The following FGD6 variants were observed in gnomAD, a reference collection of about 807,000 sequenced individuals.
The protein encoded by FGD6 is FYVE, RhoGEF and PH domain containing 6, also known as FYVE, RhoGEF and PH domain-containing protein 6.
A neutral mutation model predicts 149.4 loss-of-function variants in FGD6; 90 were observed. The observed-to-expected ratio is 0.60, with a 90% CI of 0.51 to 0.72. The LOEUF is 0.72. Among genes scored for constraint, FGD6 ranks in the 30% least tolerant of loss-of-function variants. FGD6 has a pLI of 0.00. For synonymous variants in FGD6, 527 were observed against 584.0 expected (o/e 0.90, Z 1.41); for missense variants, 1,437 against 1,684.8 (o/e 0.85, Z 2.57).
chr12:95,117,779 C>T (rs907602104), intron 8 of FGD6, among the ~76,000 whole-genome samples: 1 of 152,084 alleles, frequency 6.6e-6, no homozygotes, highest in Non-Finnish European at 1.5e-5. Flanking sequence ...CGCAGTGGCT[C>T]ATGCCTGTAA....
At chr12:95,175,799 CAAAAA>C (rs61051041) in intron 2 of FGD6, among the ~76,000 whole-genome samples, 2 of 38,912 alleles carry the variant, frequency 5.1e-5, no homozygotes, top group African/African-American at 1.0e-4. Flanking sequence ...GACTCTGTCT[CAAAAA>C]AAAAAAAAAA....
chr12:95,138,023 C>T (rs546455632), intron 6 of FGD6, among the ~76,000 whole-genome samples: 5 of 151,892 alleles, frequency 3.3e-5, no homozygotes, highest in Non-Finnish European at 7.4e-5. Flanking sequence ...GAGCTCAAGA[C>T]CAGCCTGACC....
chr12:95,160,873 A>G (rs1880618729), intron 3 of FGD6, among the ~76,000 whole-genome samples: 2 of 151,990 alleles, frequency 1.3e-5, no homozygotes, highest in African/African-American at 4.8e-5. Context: ...TCAAAAAAAC[A>G]AAACAAACAA....
At chr12:95,117,682 C>T (rs567650075) in intron 8 of FGD6, among the ~76,000 whole-genome samples, 2 of 152,330 alleles carry the variant, frequency 1.3e-5, no homozygotes, top group East Asian at 3.9e-4. Flanking sequence ...TCACCCTGGC[C>T]TCCCAAAGTG....
chr12:95,174,927 C>CAAA (rs10687970), intron 2 of FGD6, among the ~76,000 whole-genome samples: 8,229 of 83,914 alleles, frequency 0.098, 601 homozygotes, highest in Middle Eastern at 0.12. Context: ...ACTCCATCTC[C>CAAA]AAAAAAAAAA....
At chr12:95,100,581 C>A in intron 14 of FGD6, 1 of 436,492 alleles carries the variant, frequency 2.3e-6, no homozygotes. Context: ...GTTCCCACGA[C>A]TTTCTAGGAG....
intron 19 of FGD6, chr12:95,085,486 G>A (rs1277209855): frequency 5.2e-6 from 2 of 386,526 alleles, no homozygotes; most frequent in African/African-American, 2.1e-5. Context: ...TTACAGGTGT[G>A]AGCCAGTGCA....
At chr12:95,083,996 G>A (rs1225298750) in intron 20 of FGD6, among the ~76,000 whole-genome samples, 1 of 152,184 alleles carries the variant, frequency 6.6e-6, no homozygotes, top group Non-Finnish European at 1.5e-5. Flanking sequence ...CATCTAAACT[G>A]ATAGCCATTT....
rs141394331 is a variant in FGD6, at chr12:95,137,707, A to C, written c.2838-29T>G. Reference sequence around the variant, plus strand: ...TGGATAGAGAAGAGATACACAAAAAAATATAAAGAGAGATTGATGAACATA... The same window carrying C: ...TGGATAGAGAAGAGATACACAAAAACATATAAAGAGAGATTGATGAACATA... On this transcript the variant is annotated intron_variant, in intron 6 of 20. Coordinates refer to ENST00000343958, the MANE Select transcript of FGD6 (RefSeq NM_018351.4). The C allele has an allele frequency of 1.4e-4, 211 of 1,504,722 alleles. No homozygotes were observed. The African/African-American group carries it at 2.6e-3, about 18-fold the overall frequency. The allele number at this position is 1,504,722 out of a possible 1,614,324, so 93.2% of individuals were successfully genotyped here. A position where few individuals can be genotyped will look rare whatever the true frequency, so the allele number is the denominator to read the frequency against.
chr12:95,109,516 C>G (rs1001143784), intron 9 of FGD6, among the ~76,000 whole-genome samples: 4 of 151,972 alleles, frequency 2.6e-5, no homozygotes, highest in African/African-American at 9.7e-5. Context: ...AGGGAAGCAT[C>G]TCCTCCTGAG....
At chr12:95,171,763 C>T (rs752122416) in intron 3 of FGD6, among the ~76,000 whole-genome samples, 2 of 152,076 alleles carry the variant, frequency 1.3e-5, no homozygotes, top group Non-Finnish European at 2.9e-5. Context: ...GATCCACCCC[C>T]CTCGGTCTCC....
chr12:95,083,749 C>CT (rs1340163877), intron 20 of FGD6, among the ~76,000 whole-genome samples: 1 of 152,138 alleles, frequency 6.6e-6, no homozygotes, highest in Non-Finnish European at 1.5e-5. Context: ...TCAAAGCATT[C>CT]TTTTTTATTT....
At chr12:95,137,352 T>C (rs1879697356) in intron 7 of FGD6, among the ~76,000 whole-genome samples, 170 bp downstream of exon 7, 1 of 152,248 alleles carries the variant, frequency 6.6e-6, no homozygotes, top group African/African-American at 2.4e-5. Flanking sequence ...GTCATGTACA[T>C]TCTTGAGTTC....
intron 2 of FGD6, among the ~76,000 whole-genome samples, chr12:95,173,274 A>T (rs1054094329): frequency 2.0e-5 from 3 of 152,236 alleles, no homozygotes; most frequent in East Asian, 3.8e-4. Context: ...TTCACAAGAC[A>T]TGGGGAGGAA....
intron 6 of FGD6, among the ~76,000 whole-genome samples, chr12:95,140,285 T>C (rs142040573): frequency 4.9e-4 from 75 of 152,320 alleles, no homozygotes; most frequent in African/African-American, 1.7e-3. Flanking sequence ...CTAGTGGAAG[T>C]AGCTTCCAAT....
chr12:95,206,149 C>G (rs962859068), intron 2 of FGD6, among the ~76,000 whole-genome samples: 3 of 151,920 alleles, frequency 2.0e-5, no homozygotes, highest in African/African-American at 7.3e-5. Context: ...AGCCTGATGG[C>G]CAACAGAAAA....
chr12:95,090,925 G>A (rs186647732), intron 17 of FGD6, among the ~76,000 whole-genome samples: 20 of 152,116 alleles, frequency 1.3e-4, no homozygotes, highest in Admixed American at 5.9e-4. Context: ...TGGTGAGACC[G>A]CCCCGCGTCT....
rs1877578333 is a variant in FGD6, at chr12:95,078,871, T to TAC, written c.*2647_*2648dup. 1 of 152,158 alleles carries TAC rather than the reference T, an allele frequency of 6.6e-6. No homozygotes were observed. Among genetic ancestry groups the TAC allele is most frequent in the Non-Finnish European group, 1.5e-5 (1 of 68,024 alleles). 9.4% of individuals were successfully genotyped at this position (152,158 alleles called of 1,614,324 possible). On this transcript the variant is annotated 3_prime_UTR_variant, in exon 21 of 21. Transcript: ENST00000343958. Reference sequence around the variant, plus strand: ...TTTTAGCTTAGCTTTATAAATGCCCTACTCTTTCCTCCTTATGAATTAAAA... The same window carrying TAC: ...TTTTAGCTTAGCTTTATAAATGCCCTACACTCTTTCCTCCTTATGAATTAAAA...
At chr12:95,126,417 G>T in intron 8 of FGD6, 14 of 1,235,876 alleles carry the variant, frequency 1.1e-5, no homozygotes, top group Non-Finnish European at 1.5e-5. Context: ...AACAATAAAG[G>T]TTCTTTAAAA....
Sources: allele counts gnomAD v4.1 joint callset (sites outside exome capture counted in the v4.1 genomes callset), GRCh38; gene constraint gnomAD v4.1.1; transcripts MANE v1.5; gene names NCBI Gene and HGNC (gene_info 2026-07-23, HGNC 2026-07-21).